The following PCDH19 variants were observed in gnomAD, a reference collection of about 807,000 sequenced individuals.
PCDH19 encodes protocadherin-19.
PCDH19 carries 6 observed loss-of-function variants against 46.2 expected under a neutral mutation model. The ratio of observed to expected loss-of-function variants is 0.13; its 90% CI spans 0.07 to 0.26. PCDH19 has a LOEUF of 0.26. Ranked by LOEUF, PCDH19 falls within the 10% of genes least tolerant of loss-of-function variation. PCDH19 has a pLI of 1.00. For synonymous variants in PCDH19, 481 were observed against 415.7 expected (o/e 1.16, Z -1.91); for missense variants, 740 against 972.3 (o/e 0.76, Z 3.18).
Position 100,406,616 on chromosome X carries a change from T to G in PCDH19, c.1982A>C (p.Tyr661Ser), listed in dbSNP as rs1928354837. The G allele has an allele frequency of 2.8e-5, 34 of 1,209,296 alleles. No homozygotes were observed. Among genetic ancestry groups the G allele is most frequent in the Non-Finnish European group, 3.7e-5 (33 of 894,996 alleles). Residue 661 changes from tyrosine (Y) to serine (S), a missense_variant, in exon 1 of 6, where the codon TAC becomes TCC. Physicochemically the swap from Tyr to Ser is moderately radical, Grantham distance 144. This residue lies in a region of PCDH19 where 416 missense variants were observed against 476.8 expected (regional missense o/e 0.87). Coordinates refer to ENST00000373034, the MANE Select transcript of PCDH19 (RefSeq NM_001184880.2). ...TTGGGCATCGAGAGCAGGGGACAAGTAGATTAGGACGAGAGCAGAGGCAGA... is the reference window on the plus strand; with the variant it reads ...TTGGGCATCGAGAGCAGGGGACAAGGAGATTAGGACGAGAGCAGAGGCAGA... ...SLSASALVLI[Y>S]LSPALDAQES...
chrX:100,356,971 A>T (rs1487675588), intron 3 of PCDH19, among the ~76,000 whole-genome samples: 1 of 111,600 alleles, frequency 9.0e-6, no homozygotes, highest in African/African-American at 3.3e-5. Flanking sequence ...AAAGGACTCC[A>T]TGTTGCCTTC....
intron 3 of PCDH19, among the ~76,000 whole-genome samples, chrX:100,361,161 G>A (rs956145776): frequency 4.5e-5 from 5 of 112,106 alleles, no homozygotes; most frequent in African/African-American, 1.6e-4. Flanking sequence ...ATGCAGTTAT[G>A]CAAGGCACCA....
rs935578713 is a variant in PCDH19 at position 100,303,136 on chromosome X, G to A, written c.2849-6261C>T. ...GAGATCTAGTACCCTCTAACATCCC[G>A]TTGAAAATACATTTGCCATAGACCT... is the stretch of plus-strand genomic sequence containing the variant. On this transcript the variant is annotated intron_variant, in intron 5 of 5. Transcript: ENST00000373034. 5.4e-5 allele frequency among the ~76,000 whole-genome samples: 6 copies of A among 111,010 alleles called. No individual in the cohort carries two copies. The East Asian group carries it at 1.1e-3, about 21-fold the overall frequency.
intron 5 of PCDH19, among the ~76,000 whole-genome samples, chrX:100,331,823 G>A (rs1429259853): frequency 9.0e-6 from 1 of 111,563 alleles, no homozygotes; most frequent in African/African-American, 3.3e-5. Flanking sequence ...GTTTCCTGAG[G>A]CCTCCCCAGC....
Position 100,408,554 on chromosome X carries a change from A to T in PCDH19, c.44T>A (p.Leu15Gln). Reference sequence around the variant, plus strand: ...AATGAGGGCGGCAGCCTGCGTCCACAGTATGGCCAGCAGCAGCAGCACCGG... The same window carrying T: ...AATGAGGGCGGCAGCCTGCGTCCACTGTATGGCCAGCAGCAGCAGCACCGG... ...LLPVLLLLAI[L>Q]WTQAAALINL... Residue 15 changes from leucine (L) to glutamine (Q), a missense_variant, in exon 1 of 6, where the codon CTG (leucine) becomes CAG (glutamine). Leu to Gln is a moderately radical substitution (Grantham distance 113). This residue lies in a region of PCDH19 where 81 missense variants were observed against 96.5 expected (regional missense o/e 0.84). Coordinates refer to ENST00000373034, the MANE Select transcript of PCDH19 (RefSeq NM_001184880.2). 1 of 1,191,945 alleles carries T rather than the reference A, an allele frequency of 8.4e-7. No homozygotes were observed. Among genetic ancestry groups the T allele is most frequent in the Non-Finnish European group, 1.1e-6 (1 of 889,833 alleles).
intron 5 of PCDH19, among the ~76,000 whole-genome samples, chrX:100,333,112 G>GGGAAGGAAGGAAGGAA (rs778212504): frequency 2.9e-5 from 1 of 34,914 alleles, no homozygotes; most frequent in Admixed American, 3.8e-4. Context: ...GAAGGAGGGA[G>GGGAAGGAAGGAAGGAA]GGAAGGAAGG....
Position 100,409,715 on chromosome X carries a change from G to GCCGCCGCCA in PCDH19, c.-1119_-1118insTGGCGGCGG. 4.4e-6 allele frequency: 1 copy of GCCGCCGCCA among 228,439 alleles called. No individual in the cohort carries two copies. The highest frequency in any genetic ancestry group is 7.5e-6 in the Non-Finnish European group (1 of 132,510). 18.8% of individuals were successfully genotyped at this position (228,439 alleles called of 1,213,427 possible). A position where few individuals can be genotyped will look rare whatever the true frequency, so the allele number is the denominator to read the frequency against. On this transcript the variant is annotated 5_prime_UTR_variant, in exon 1 of 6. Transcript: ENST00000373034. ...CTGGGGTGTCGCTCCAAGGTCCGCC[G>GCCGCCGCCA]CCGCCGCCGCCGCCGCCGCCGCCGC...
At chrX:100,348,065 C>CAAAAAAAAAAAAA (rs1177957771) in intron 4 of PCDH19, among the ~76,000 whole-genome samples, 4 of 40,606 alleles carry the variant, frequency 9.9e-5, no homozygotes, top group East Asian at 7.8e-4. Context: ...GATTCCGTCT[C>CAAAAAAAAAAAAA]AAAAAAAAAA....
intron 4 of PCDH19, 25 bp from the exon 5 acceptor site, chrX:100,342,100 T>G (rs1156398086): frequency 8.5e-7 from 1 of 1,182,851 alleles, no homozygotes; most frequent in Non-Finnish European, 1.1e-6. Flanking sequence ...GAATGATAAT[T>G]TACGACCGTG....
At position 100,296,103 on chromosome X, in the gene PCDH19, G is replaced by C. The variant is rs1924591017; in HGVS notation, c.*174C>G. 2.1e-6 allele frequency: 1 copy of C among 478,520 alleles called. No individual in the cohort carries two copies. Among genetic ancestry groups the C allele is most frequent in the Non-Finnish European group, 3.6e-6 (1 of 274,223 alleles). 39.4% of individuals were successfully genotyped at this position (478,520 alleles called of 1,213,427 possible). On this transcript the variant is annotated 3_prime_UTR_variant, in exon 6 of 6. Transcript: ENST00000373034. ...TTTGCTCCAACTGAACACCCCTGCT[G>C]CCTGTTGAAACAAGGGACTGTCACA...
chrX:100,300,669 T>C (rs1924747626), intron 5 of PCDH19, among the ~76,000 whole-genome samples: 1 of 111,280 alleles, frequency 9.0e-6, no homozygotes, highest in Non-Finnish European at 1.9e-5. Context: ...TGTAAATTGG[T>C]TTTCCCTGCT....
At chrX:100,311,019 A>AC (rs1925114888) in intron 5 of PCDH19, among the ~76,000 whole-genome samples, 1 of 108,112 alleles carries the variant, frequency 9.2e-6, no homozygotes, top group South Asian at 4.1e-4. Flanking sequence ...ATTAAAAAAA[A>AC]AAAAAAATTA....
At chrX:100,312,878 G>A (rs1048575571) in intron 5 of PCDH19, among the ~76,000 whole-genome samples, 8 of 111,171 alleles carry the variant, frequency 7.2e-5, no homozygotes, top group East Asian at 2.8e-4. Flanking sequence ...GCCTTTGCAC[G>A]TAGGAGTAGC....
rs772168812 is a variant in PCDH19 at position 100,359,249 on chromosome X, TCCTA to T, written c.2617-8549_2617-8546del. Among the ~76,000 whole-genome samples the T allele has an allele frequency of 1.2e-3, 133 of 112,005 alleles. 1 individual carries two copies. The highest frequency in any genetic ancestry group is 4.6e-3 in the Middle Eastern group (1 of 218). On this transcript the variant is annotated intron_variant, in intron 3 of 5. Coordinates refer to ENST00000373034, the MANE Select transcript of PCDH19 (RefSeq NM_001184880.2). Reference sequence around the variant, plus strand: ...ACATCAGGGAAGTGATTAGCCTGCTTCCTACCTATGTTTCTCTGAGTGATTTCCT... The same window carrying T: ...ACATCAGGGAAGTGATTAGCCTGCTTCCTATGTTTCTCTGAGTGATTTCCT...
At chrX:100,342,196 T>C (rs1043061182) in intron 4 of PCDH19, 121 bp from the exon 5 acceptor site, 3 of 609,132 alleles carry the variant, frequency 4.9e-6, no homozygotes, top group Middle Eastern at 3.6e-4. Flanking sequence ...TCCAATAGGG[T>C]AGGAATAAGG....
At chrX:100,374,162 A>G (rs986832057) in intron 3 of PCDH19, among the ~76,000 whole-genome samples, 1 of 112,770 alleles carries the variant, frequency 8.9e-6, no homozygotes, top group South Asian at 3.6e-4. Context: ...AGGGGAACAA[A>G]TAACAGTTAT....
chrX:100,379,914 G>A (rs1285154790), intron 3 of PCDH19, among the ~76,000 whole-genome samples: 1 of 111,902 alleles, frequency 8.9e-6, no homozygotes, highest in Non-Finnish European at 1.9e-5. Context: ...GGTGGGAGGT[G>A]GCATGGACTC....
At chrX:100,366,623 T>C (rs1327432276) in intron 3 of PCDH19, among the ~76,000 whole-genome samples, 1 of 112,274 alleles carries the variant, frequency 8.9e-6, no homozygotes, top group Non-Finnish European at 1.9e-5. Flanking sequence ...GCTGGGCAAA[T>C]TGTGGTATAA....
intron 5 of PCDH19, among the ~76,000 whole-genome samples, chrX:100,334,205 G>GAGAGTA (rs1278176576): frequency 9.0e-6 from 1 of 111,332 alleles, no homozygotes; most frequent in African/African-American, 3.3e-5. Flanking sequence ...TACATATACA[G>GAGAGTA]AGAGTAAGAA....
Sources: allele counts gnomAD v4.1 joint callset (sites outside exome capture counted in the v4.1 genomes callset), GRCh38; gene constraint gnomAD v4.1.1; regional missense constraint gnomAD v4.1.1; transcripts MANE v1.5; gene names NCBI Gene and HGNC (gene_info 2026-07-23, HGNC 2026-07-21).